Variants in MBD5 observed in about 807,000 individuals in gnomAD.
The protein encoded by MBD5 is methyl-CpG binding domain protein 5.
MBD5 carries 13 observed loss-of-function variants against 117.3 expected under a neutral mutation model. The observed-to-expected ratio is 0.11, with a 90% CI of 0.07 to 0.18. The LOEUF is 0.18. Ranked by LOEUF, MBD5 falls within the 10% of genes least tolerant of loss-of-function variation. MBD5 has a pLI of 1.00. For synonymous variants in MBD5, 727 were observed against 766.4 expected, an observed-to-expected ratio of 0.95 and a Z score of 0.85; for missense variants, 1,879 against 2,093.8, an observed-to-expected ratio of 0.90 and a Z score of 2.00.
intron 1 of MBD5, among the ~76,000 whole-genome samples, chr2:148,132,571 T>C (rs1239170388): frequency 6.6e-6 from 1 of 152,104 alleles, no homozygotes; most frequent in East Asian, 1.9e-4. Flanking sequence ...TTTTCCCATC[T>C]TGCATAACAC....
chr2:148,332,472 A>G (rs1357522846), intron 3 of MBD5, among the ~76,000 whole-genome samples: 1 of 151,998 alleles, frequency 6.6e-6, no homozygotes, highest in Non-Finnish European at 1.5e-5. Context: ...TTTGAGTTGG[A>G]TCTCCCAGTT....
chr2:148,301,992 TC>T (rs1027398344), intron 3 of MBD5, among the ~76,000 whole-genome samples: 3 of 152,190 alleles, frequency 2.0e-5, no homozygotes, highest in Non-Finnish European at 4.4e-5. Flanking sequence ...CACCTGACTC[TC>T]ACCTGATGGT....
chr2:148,076,679 A>G (rs1003875836), intron 1 of MBD5, among the ~76,000 whole-genome samples: 1 of 152,208 alleles, frequency 6.6e-6, no homozygotes, highest in African/African-American at 2.4e-5. Flanking sequence ...TATCATTGTA[A>G]TAATAGGTTA....
In MBD5 at chr2:148,439,151, C is replaced by T. The variant is rs542277144; in HGVS notation, c.-556-19052C>T. On this transcript the variant is annotated intron_variant, in intron 4 of 13. Coordinates refer to ENST00000642680, the MANE Select transcript of MBD5 (RefSeq NM_001378120.1). ...AAGTGAAAATCACTAATCCCTTCCT[C>T]AGAAGTTGACTTTCAGGATTTCAGC... Among the ~76,000 whole-genome samples, 3 of 152,282 alleles carry T rather than the reference C, an allele frequency of 2.0e-5. No homozygotes were observed. The South Asian group carries it at 6.2e-4, about 32-fold the overall frequency.
intron 3 of MBD5, among the ~76,000 whole-genome samples, chr2:148,292,195 C>T (rs764661376): frequency 7.9e-5 from 12 of 151,896 alleles, no homozygotes; most frequent in Admixed American, 4.6e-4. Context: ...CACAGGCAGC[C>T]AAAGCAAAAA....
intron 2 of MBD5, among the ~76,000 whole-genome samples, chr2:148,188,522 C>CA (rs1246411376): frequency 6.6e-6 from 1 of 151,444 alleles, no homozygotes; most frequent in Non-Finnish European, 1.5e-5. Context: ...CCTGTATCTA[C>CA]AAAAAATTAA....
At chr2:148,260,435 A>G (rs2106295107) in intron 3 of MBD5, 1 of 152,606 alleles carries the variant, frequency 6.6e-6, no homozygotes, top group East Asian at 1.9e-4. Context: ...GTTCCACAAC[A>G]TCTGTGATAC....
At chr2:148,209,607 C>T (rs180968475) in intron 2 of MBD5, among the ~76,000 whole-genome samples, 27 of 151,614 alleles carry the variant, frequency 1.8e-4, no homozygotes, top group Admixed American at 1.6e-3. Context: ...GTTATTTTTG[C>T]ATTGCTATAA....
At chr2:148,326,761 G>A (rs1702463556) in intron 3 of MBD5, among the ~76,000 whole-genome samples, 2 of 151,956 alleles carry the variant, frequency 1.3e-5, no homozygotes, top group Non-Finnish European at 2.9e-5. Flanking sequence ...CCTGAATACA[G>A]CACACTGATG....
intron 1 of MBD5, chr2:148,028,029 A>G (rs1693946516): frequency 6.6e-6 from 1 of 152,072 alleles, no homozygotes. Context: ...GGAATGACTC[A>G]CTGTAACTCA....
intron 11 of MBD5, among the ~76,000 whole-genome samples, chr2:148,501,257 G>T (rs1050435767): frequency 6.6e-6 from 1 of 152,210 alleles, no homozygotes; most frequent in Non-Finnish European, 1.5e-5. Flanking sequence ...GGACATTCAT[G>T]AGTCAATGTT....
chr2:148,413,492 G>C (rs1178194654), intron 4 of MBD5, among the ~76,000 whole-genome samples: 1 of 148,552 alleles, frequency 6.7e-6, no homozygotes, highest in Non-Finnish European at 1.5e-5. Context: ...AATTAGGGAA[G>C]AGTCCCTCCT....
At chr2:148,134,242 C>CGATT (rs1437885378) in intron 1 of MBD5, among the ~76,000 whole-genome samples, 4 of 150,132 alleles carry the variant, frequency 2.7e-5, no homozygotes, top group African/African-American at 1.0e-4. Context: ...ATAGATCGAT[C>CGATT]GATCTACCGA....
intron 1 of MBD5, among the ~76,000 whole-genome samples, chr2:148,155,555 C>G (rs1486744089): frequency 6.6e-6 from 1 of 152,074 alleles, no homozygotes; most frequent in Non-Finnish European, 1.5e-5. Context: ...ATTCCAACTC[C>G]TATGTTACTC....
chr2:148,217,188 G>C (rs1699578723), intron 2 of MBD5, among the ~76,000 whole-genome samples: 1 of 152,160 alleles, frequency 6.6e-6, no homozygotes, highest in Non-Finnish European at 1.5e-5. Flanking sequence ...CGGTATGTGG[G>C]AGCAGAGAAT....
chr2:148,038,177 C>T (rs1694249150), intron 1 of MBD5, among the ~76,000 whole-genome samples: 1 of 152,010 alleles, frequency 6.6e-6, no homozygotes, highest in Non-Finnish European at 1.5e-5. Flanking sequence ...GAAAGTCAGG[C>T]AGGATGCCTA....
At chr2:148,380,911 T>C (rs941884810) in intron 4 of MBD5, among the ~76,000 whole-genome samples, 5 of 152,284 alleles carry the variant, frequency 3.3e-5, no homozygotes, top group African/African-American at 9.6e-5. Flanking sequence ...CTGAGGGTCC[T>C]GACTGTTAGA....
chr2:148,492,124 C>T (rs906823937), intron 11 of MBD5, among the ~76,000 whole-genome samples: 1 of 150,902 alleles, frequency 6.6e-6, no homozygotes, highest in Admixed American at 6.6e-5. Flanking sequence ...AATCTGTGCT[C>T]GAAAACTCCT....
At chr2:148,508,928 T>C (rs992958232) in intron 12 of MBD5, among the ~76,000 whole-genome samples, 1 of 152,316 alleles carries the variant, frequency 6.6e-6, no homozygotes, top group Non-Finnish European at 1.5e-5. Context: ...ATGTATGCAT[T>C]GTCCAGTCCT....
Sources: gnomAD v4.1 joint callset for allele counts (sites outside exome capture counted in the v4.1 genomes callset) on GRCh38, gnomAD v4.1.1 for gene constraint, MANE v1.5 for transcripts, NCBI Gene and HGNC (gene_info 2026-07-23, HGNC 2026-07-21) for gene names.